GKN1: variants seen among roughly 807,000 people sequenced by gnomAD.
GKN1 encodes the protein gastrokine 1, also known as gastrokine-1.
GKN1 carries 17 observed loss-of-function variants against 19.7 expected under a neutral mutation model. That is an observed-to-expected ratio of 0.86 (90% CI 0.59 to 1.29). GKN1 has a LOEUF of 1.29. Among genes scored for constraint, GKN1 ranks in the 50% most tolerant of loss-of-function variants. GKN1 has a pLI of 0.00. For synonymous variants in GKN1, 96 were observed against 78.3 expected (o/e 1.23, Z -1.20); for missense variants, 218 against 224.5 (o/e 0.97, Z 0.19).
chr2:68,977,799 A>C, intron 3 of GKN1, 25 bp downstream of exon 3: 4 of 1,564,758 alleles, frequency 2.6e-6, no homozygotes, highest in Middle Eastern at 3.4e-4. Context: ...TGCAATTTTC[A>C]CTTTATTGTT....
intron 3 of GKN1, among the ~76,000 whole-genome samples, chr2:68,978,590 A>G (rs1670312248): frequency 1.3e-5 from 2 of 152,244 alleles, no homozygotes; most frequent in Non-Finnish European, 2.9e-5. Context: ...TTTAAAGTCT[A>G]TTTCAGTAAA....
In GKN1 at chr2:68,978,948, T is replaced by C; in HGVS notation, c.282T>C (p.Ile94=). 1 of 1,602,542 alleles carries C rather than the reference T, an allele frequency of 6.2e-7. No individual in the cohort carries two copies. The highest frequency in any genetic ancestry group is 8.6e-7 in the Non-Finnish European group (1 of 1,169,574). The change falls in exon 4 of 6, where the codon ATT becomes ATC. Residue 94 remains isoleucine (I), a synonymous_variant. Transcript: ENST00000377938. ...HKMNKEVMPS[I]QSLDALVKEK... is the part of the protein sequence containing the mutation. ...TGAACAAGGAAGTCATGCCCTCCAT[T>C]CAATCCCTTGATGCACTGGTCAAGG...
rs746885831 is a variant in GKN1, at chr2:68,978,916, C to A, written c.250C>A (p.His84Asn). ...CTTTCAAAAGAAGACATGCATTGTG[C>A]ACAAAATGAACAAGGAAGTCATGCC... The part of the protein sequence containing the change: ...RLFQKKTCIV[H>N]KMNKEVMPSI... Residue 84 changes from histidine (H) to asparagine (N), a missense_variant, in exon 4 of 6, where the codon CAC becomes AAC. Physicochemically the swap from His to Asn is moderately conservative, Grantham distance 68. Coordinates refer to ENST00000377938, the MANE Select transcript of GKN1 (RefSeq NM_019617.4). The A allele has an allele frequency of 6.2e-7, 1 of 1,610,720 alleles. No homozygotes were observed. The highest frequency in any genetic ancestry group is 8.5e-7 in the Non-Finnish European group (1 of 1,177,510).
In GKN1 at chr2:68,980,011, T is replaced by A; in HGVS notation, c.414T>A (p.Ile138=). The change falls in exon 5 of 6, where the codon ATT becomes ATA. Residue 138 remains isoleucine, a synonymous_variant. Transcript: ENST00000377938. ...VDDLSKFGKN[I]ANMCRGIPTY... ...ACCTGAGCAAGTTCGGAAAAAACAT[T>A]GCAAACATGTGTCGTGGGATTCCAA... The A allele has an allele frequency of 2.5e-6, 4 of 1,614,010 alleles. No homozygotes were observed. Among genetic ancestry groups the A allele is most frequent in the Non-Finnish European group, 3.4e-6 (4 of 1,179,888 alleles).
intron 4 of GKN1, 21 bp downstream of exon 4, chr2:68,979,002 AT>A: frequency 1.6e-6 from 2 of 1,265,072 alleles, no homozygotes; most frequent in South Asian, 1.2e-5. Context: ...AAGGCTTTTT[AT>A]TTTTGGTGAG....
At position 68,977,700 on chromosome 2, in the gene GKN1, A is replaced by G; in HGVS notation, c.130A>G (p.Asn44Asp). 6.2e-7 allele frequency: 1 copy of G among 1,607,290 alleles called. No individual in the cohort carries two copies. The highest frequency in any genetic ancestry group is 8.5e-7 in the Non-Finnish European group (1 of 1,173,796). Residue 44 changes from asparagine to aspartate, a missense_variant, in exon 3 of 6, where the codon AAT becomes GAT. Physicochemically the swap from Asn to Asp is conservative, Grantham distance 23. Coordinates refer to ENST00000377938, the MANE Select transcript of GKN1 (RefSeq NM_019617.4). ...GSGQQSVSVN[N>D]EHNVANVDNN... ...TGGGCAGCAGTCAGTGAGTGTCAACAATGAACACAATGTGGCCAATGTTGA... is the reference window on the plus strand; with the variant it reads ...TGGGCAGCAGTCAGTGAGTGTCAACGATGAACACAATGTGGCCAATGTTGA...
rs1670347120 is a variant in GKN1 at position 68,980,793 on chromosome 2, T to G, written c.528T>G (p.Ile176Met). ...YTTSVLWIVD[I>M]SFCGDTVEN is the part of the protein sequence containing the mutation. ...CCAGTGTACTATGGATTGTGGACAT[T>G]TCCTTCTGTGGAGACACGGTGGAGA... The change falls in exon 6 of 6, where the codon ATT becomes ATG. Residue 176 changes from isoleucine to methionine, a missense_variant. Physicochemically the swap from Ile to Met is conservative, Grantham distance 10. Coordinates refer to ENST00000377938, the MANE Select transcript of GKN1 (RefSeq NM_019617.4). The G allele has an allele frequency of 4.4e-6, 7 of 1,589,178 alleles. No homozygotes were observed. The highest frequency in any genetic ancestry group is 5.2e-6 in the Non-Finnish European group (6 of 1,157,402).
intron 4 of GKN1, 97 bp downstream of exon 4, chr2:68,979,078 T>C: frequency 1.2e-5 from 8 of 663,636 alleles, no homozygotes; most frequent in East Asian, 5.5e-5. Context: ...TTGACTACAG[T>C]ATGTTGTAGT....
chr2:68,978,647 A>G (rs1670313428), intron 3 of GKN1, among the ~76,000 whole-genome samples: 1 of 152,330 alleles, frequency 6.6e-6, no homozygotes, highest in South Asian at 2.1e-4. Context: ...CCTGGAAATA[A>G]AGCAAACCAG....
In GKN1 at chr2:68,977,650, A is replaced by G. The variant is rs1049234885; in HGVS notation, c.80A>G (p.Asn27Ser). ...PALANYNINV[N>S]DDNNNAGSGQ... is the part of the protein sequence containing the mutation. Reference sequence around the variant, plus strand: ...TATAAACTTCAGAATATCAACGTCAATGATGACAACAACAATGCTGGAAGT... The same window carrying G: ...TATAAACTTCAGAATATCAACGTCAGTGATGACAACAACAATGCTGGAAGT... The change falls in exon 3 of 6, where the codon AAT becomes AGT. Residue 27 changes from asparagine to serine, a missense_variant. By Grantham distance (46) the Asn-to-Ser change is conservative (BLOSUM62 1). Coordinates refer to ENST00000377938, the MANE Select transcript of GKN1 (RefSeq NM_019617.4). 1 of 1,611,094 alleles carries G rather than the reference A, an allele frequency of 6.2e-7. No homozygotes were observed. The highest frequency in any genetic ancestry group is 8.5e-7 in the Non-Finnish European group (1 of 1,177,362).
At chr2:68,974,955 C>T (rs1487240174) in intron 1 of GKN1, among the ~76,000 whole-genome samples, 4 of 152,030 alleles carry the variant, frequency 2.6e-5, no homozygotes, top group African/African-American at 4.8e-5. Flanking sequence ...CAAACCTGCA[C>T]GTTCTGCACA....
intron 1 of GKN1, among the ~76,000 whole-genome samples, chr2:68,977,028 T>C (rs1670271579): frequency 6.6e-6 from 1 of 152,218 alleles, no homozygotes; most frequent in South Asian, 2.1e-4. Context: ...CCAGAAGTAT[T>C]ATCTTAGCAA....
At chr2:68,974,953 C>A (rs945158298) in intron 1 of GKN1, among the ~76,000 whole-genome samples, 7 of 151,914 alleles carry the variant, frequency 4.6e-5, no homozygotes, top group African/African-American at 1.7e-4. Context: ...AACAAACCTG[C>A]ACGTTCTGCA....
At chr2:68,980,192 C>G (rs1275019651) in intron 5 of GKN1, 132 bp downstream of exon 5, 1 of 747,104 alleles carries the variant, frequency 1.3e-6, no homozygotes, top group Admixed American at 1.9e-5. Flanking sequence ...AGTGCTTGCT[C>G]TGTGCCAGGT....
At chr2:68,977,465 A>G (rs546719142) in intron 1 of GKN1, 30 bp from the exon 2 acceptor site, 2 of 1,508,690 alleles carry the variant, frequency 1.3e-6, no homozygotes, top group Non-Finnish European at 9.2e-7. Context: ...TTGCCATGTA[A>G]CAGGAGACCA....
At chr2:68,978,294 A>AAGAAAGAAAGAAAGAAAGAAAGAGAGAG (rs766730731) in intron 3 of GKN1, among the ~76,000 whole-genome samples, 1 of 121,668 alleles carries the variant, frequency 8.2e-6, no homozygotes, top group East Asian at 3.5e-4. Flanking sequence ...GAAAGAAAGA[A>AAGAAAGAAAGAAAGAAAGAAAGAGAGAG]AGAGAGAGAA....
At chr2:68,980,465 G>GA (rs771680842) in intron 5 of GKN1, among the ~76,000 whole-genome samples, 6 of 152,166 alleles carry the variant, frequency 3.9e-5, no homozygotes, top group Non-Finnish European at 7.3e-5. Flanking sequence ...AATGCTAATA[G>GA]AATCTATTAA....
Position 68,978,995 on chromosome 2 carries a change from G to T in GKN1, c.315+14G>T. ...AAGGAAAAGAAGGTAAAAATAAAAG[G>T]CTTTTTATTTTTGGTGAGGGGAGAG... On this transcript the variant is annotated intron_variant, in intron 4 of 5. Coordinates refer to ENST00000377938, the MANE Select transcript of GKN1 (RefSeq NM_019617.4). 1 of 1,391,472 alleles carries T rather than the reference G, an allele frequency of 7.2e-7. No individual in the cohort carries two copies. Among genetic ancestry groups the T allele is most frequent in the Non-Finnish European group, 1.0e-6 (1 of 984,526 alleles). 86.2% of individuals were successfully genotyped at this position (1,391,472 alleles called of 1,614,324 possible).
intron 1 of GKN1, among the ~76,000 whole-genome samples, chr2:68,977,058 C>A (rs909207189): frequency 3.3e-5 from 5 of 152,104 alleles, no homozygotes; most frequent in African/African-American, 1.2e-4. Flanking sequence ...TATGATACCA[C>A]TTATTAAACT....
Sources: gnomAD v4.1 joint callset for allele counts (sites outside exome capture counted in the v4.1 genomes callset) on GRCh38, gnomAD v4.1.1 for gene constraint, MANE v1.5 for transcripts, NCBI Gene and HGNC (gene_info 2026-07-23, HGNC 2026-07-21) for gene names.